Variants in COL11A2 observed in about 807,000 individuals in gnomAD.
COL11A2 encodes collagen type XI alpha 2 chain.
A neutral mutation model predicts 273.4 loss-of-function variants in COL11A2; 116 were observed. That is an observed-to-expected ratio of 0.42 (90% CI 0.36 to 0.49). The LOEUF (loss-of-function observed/expected upper bound fraction) is 0.49. Ranked by LOEUF, COL11A2 falls within the 20% of genes least tolerant of loss-of-function variation. The pLI is 0.00. For missense variants in COL11A2, 1,866 were observed against 2,309.0 expected, an observed-to-expected ratio of 0.81 and a Z score of 3.93; for synonymous variants, 782 against 864.2, an observed-to-expected ratio of 0.90 and a Z score of 1.67.
chr6:33,174,711 C>G, intron 30 of COL11A2, 131 bp from the exon 31 acceptor site: 4 of 827,240 alleles, frequency 4.8e-6, no homozygotes, highest in South Asian at 4.3e-5. Context: ...CAGCCTCTAG[C>G]CCCTCATTGC....
In COL11A2 at chr6:33,179,557, A is replaced by T; in HGVS notation, c.1447-70T>A. The T allele has an allele frequency of 1.4e-6, 2 of 1,476,140 alleles. No homozygotes were observed. Among genetic ancestry groups the T allele is most frequent in the Admixed American group, 2.0e-5 (1 of 50,860 alleles). 91.4% of individuals were successfully genotyped at this position (1,476,140 alleles called of 1,614,324 possible). A position where few individuals can be genotyped will look rare whatever the true frequency, so the allele number is the denominator to read the frequency against. ...AACCCCCAGCCCCAGCACTCTCCAA[A>T]TTCACCCTTCCTCTCCTGATCCTCA... On this transcript the variant is annotated intron_variant, in intron 13 of 65. Transcript: ENST00000341947. The surrounding 1 kb of genome is among the most constrained non-coding windows in gnomAD (Gnocchi z 6.4).
At position 33,192,260 on chromosome 6, in the gene COL11A2, C is replaced by A; in HGVS notation, c.-20G>T. On this transcript the variant is annotated 5_prime_UTR_variant, in exon 1 of 66. Transcript: ENST00000341947. The stretch of plus-strand genomic sequence containing the variant: ...CTCCATGGCTGAGAAGCCGAAACGC[C>A]GGGTCCCAGGGACCCAGGTCGGCCT... The A allele has an allele frequency of 5.8e-6, 9 of 1,551,380 alleles. No individual in the cohort carries two copies. The highest frequency in any genetic ancestry group is 1.4e-5 in the African/African-American group (1 of 73,394).
At chr6:33,172,691 C>T in intron 38 of COL11A2, 54 bp from the exon 39 acceptor site, 4 of 1,479,752 alleles carry the variant, frequency 2.7e-6, no homozygotes, top group Non-Finnish European at 2.8e-6. Context: ...TCGCTGTCTG[C>T]CAGAAGAGCC....
Position 33,185,760 on chromosome 6 carries a change from A to G in COL11A2, c.817T>C (p.Tyr273His). 1 of 1,345,190 alleles carries G rather than the reference A, an allele frequency of 7.4e-7. No homozygotes were observed. The highest frequency in any genetic ancestry group is 1.1e-5 in the South Asian group (1 of 87,332). 83.3% of individuals were successfully genotyped at this position (1,345,190 alleles called of 1,614,324 possible). Reference protein sequence around the residue: ...PQSQPTESLYYDYEPPYYDVM... With the variant: ...PQSQPTESLYHDYEPPYYDVM... Reference sequence around the variant, plus strand: ...TCATAATAGGGGGGCTCGTAGTCATAGTAGAGAGACTCAGTGGGCTGGGAT... The same window carrying G: ...TCATAATAGGGGGGCTCGTAGTCATGGTAGAGAGACTCAGTGGGCTGGGAT... Residue 273 changes from tyrosine (Y) to histidine (H), a missense_variant, in exon 6 of 66, where the codon TAT (tyrosine) becomes CAT (histidine). Coordinates refer to ENST00000341947, the MANE Select transcript of COL11A2 (RefSeq NM_080680.3).
At position 33,179,341 on chromosome 6, in the gene COL11A2, G is replaced by A; in HGVS notation, c.1504-57C>T. On this transcript the variant is annotated intron_variant, in intron 14 of 65. Coordinates refer to ENST00000341947, the MANE Select transcript of COL11A2 (RefSeq NM_080680.3). This position sits in a 1 kb window ranked among gnomAD's most constrained non-coding sequence, Gnocchi z 6.4. ...AAGGACACAGCCAACAGTGGCCTCG[G>A]AGTGTTCCCCAAAAGAAGCCCCTTT... The A allele has an allele frequency of 2.5e-6, 4 of 1,585,892 alleles. No homozygotes were observed. Among genetic ancestry groups the A allele is most frequent in the Non-Finnish European group, 3.4e-6 (4 of 1,166,694 alleles).
chr6:33,171,442 G>A, intron 43 of COL11A2, 25 bp downstream of exon 43: 3 of 1,611,148 alleles, frequency 1.9e-6, no homozygotes, highest in African/African-American at 2.7e-5. Flanking sequence ...AAGAAGATTG[G>A]TCGGGGTCTG....
rs767380282 is a variant in COL11A2, at chr6:33,169,037, G to A, written c.3799-29C>T. ...ATCCAGATGGAGAATAAGAGTCAGG[G>A]TCACAGCTCCCTAAGCCCACCCAGC... On this transcript the variant is annotated intron_variant, in intron 51 of 65. Coordinates refer to ENST00000341947, the MANE Select transcript of COL11A2 (RefSeq NM_080680.3). The surrounding 1 kb of genome is among the most constrained non-coding windows in gnomAD (Gnocchi z 5.5). The A allele has an allele frequency of 2.3e-5, 37 of 1,593,936 alleles. No homozygotes were observed. The highest frequency in any genetic ancestry group is 1.9e-5 in the Non-Finnish European group (22 of 1,169,894).
At position 33,170,751 on chromosome 6, in the gene COL11A2, G is replaced by GC; in HGVS notation, c.3474+58dup. On this transcript the variant is annotated intron_variant, in intron 46 of 65. Coordinates refer to ENST00000341947, the MANE Select transcript of COL11A2 (RefSeq NM_080680.3). The surrounding 1 kb of genome is among the most constrained non-coding windows in gnomAD (Gnocchi z 4.3). ...CGGCAGGCTGCTGGCAGAGTCTGGG[G>GC]CAAAACATCACCCCATCCTGACCCC... 6.3e-7 allele frequency: 1 copy of GC among 1,597,930 alleles called. No individual in the cohort carries two copies. Among genetic ancestry groups the GC allele is most frequent in the Middle Eastern group, 1.7e-4 (1 of 6,038 alleles).
At chr6:33,184,534 G>A (rs1343157936) in intron 7 of COL11A2, among the ~76,000 whole-genome samples, 2 of 152,242 alleles carry the variant, frequency 1.3e-5, no homozygotes, top group African/African-American at 4.8e-5. Flanking sequence ...TGTCCAGAAA[G>A]TGGGTCCAGT....
Position 33,163,322 on chromosome 6 carries a change from C to T in COL11A2, c.*356G>A. 3.4e-6 allele frequency: 1 copy of T among 297,828 alleles called. No homozygotes were observed. The allele number at this position is 297,828 out of a possible 1,614,324, so 18.4% of individuals were successfully genotyped here. On this transcript the variant is annotated 3_prime_UTR_variant, in exon 66 of 66. Transcript: ENST00000341947. The surrounding 1 kb of genome is among the most constrained non-coding windows in gnomAD (Gnocchi z 4.1). ...TTTCTCTTTTTTGTTATTTTGCTTT[C>T]CACACTTTAAATAATTAATACAATT...
rs1307895665 is a variant in COL11A2 at position 33,170,215 on chromosome 6, G to C, written c.3582+111C>G. The C allele has an allele frequency of 6.4e-7, 1 of 1,570,148 alleles. No individual in the cohort carries two copies. The highest frequency in any genetic ancestry group is 1.7e-5 in the Admixed American group (1 of 59,038). The stretch of plus-strand genomic sequence containing the variant: ...CAGTGAGGCAGTGGAGGCCTCCCGG[G>C]AGTAAGGGCTTCTCTTGGCCCCTGA... On this transcript the variant is annotated intron_variant, in intron 48 of 65. Transcript: ENST00000341947. This position sits in a 1 kb window ranked among gnomAD's most constrained non-coding sequence, Gnocchi z 4.3.
chr6:33,174,346 T>A, intron 31 of COL11A2, 128 bp from the exon 32 acceptor site: 1 of 1,421,020 alleles, frequency 7.0e-7, no homozygotes, highest in Non-Finnish European at 9.7e-7. Context: ...AAGAACTAAG[T>A]GGCCTTGGAC....
chr6:33,184,399 G>A (rs1156520627), intron 7 of COL11A2, 75 bp from the exon 8 acceptor site: 5 of 1,102,314 alleles, frequency 4.5e-6, no homozygotes, highest in Non-Finnish European at 6.2e-6. Context: ...GGACCCCAGG[G>A]TGTGACAACT....
intron 32 of COL11A2, 26 bp downstream of exon 32, chr6:33,174,139 T>C (rs774774118): frequency 6.3e-7 from 1 of 1,597,858 alleles, no homozygotes; most frequent in South Asian, 1.1e-5. Flanking sequence ...CCTTCCCTTC[T>C]CACGCCCTCC....
At chr6:33,172,920 A>C (rs879480069) in intron 38 of COL11A2, 140 bp downstream of exon 38, 1 of 956,110 alleles carries the variant, frequency 1.0e-6, no homozygotes, top group Non-Finnish European at 1.7e-6. Flanking sequence ...CCCCTGCCTG[A>C]AATCCCAGCC....
rs1391331389 is a variant in COL11A2 at position 33,179,511 on chromosome 6, A to G, written c.1447-24T>C. 3 of 1,551,264 alleles carry G rather than the reference A, an allele frequency of 1.9e-6. No individual in the cohort carries two copies. Among genetic ancestry groups the G allele is most frequent in the Non-Finnish European group, 1.7e-6 (2 of 1,145,576 alleles). ...AGCTAGGGGAGCAGGGGGACAGCAG[A>G]GCTGAGGGACAGGCAGTGGGAACCC... On this transcript the variant is annotated intron_variant, in intron 13 of 65. Coordinates refer to ENST00000341947, the MANE Select transcript of COL11A2 (RefSeq NM_080680.3). This position sits in a 1 kb window ranked among gnomAD's most constrained non-coding sequence, Gnocchi z 6.4.
chr6:33,179,550 T>C lies in COL11A2; in HGVS notation c.1447-63A>G. 6.8e-7 allele frequency: 1 copy of C among 1,481,102 alleles called. No homozygotes were observed. The highest frequency in any genetic ancestry group is 9.2e-7 in the Non-Finnish European group (1 of 1,083,764). The allele number at this position is 1,481,102 out of a possible 1,614,324, so 91.7% of individuals were successfully genotyped here. A position where few individuals can be genotyped will look rare whatever the true frequency, so the allele number is the denominator to read the frequency against. The stretch of plus-strand genomic sequence containing the variant: ...CAGTGGGAACCCCCAGCCCCAGCAC[T>C]CTCCAAATTCACCCTTCCTCTCCTG... On this transcript the variant is annotated intron_variant, in intron 13 of 65. Coordinates refer to ENST00000341947, the MANE Select transcript of COL11A2 (RefSeq NM_080680.3). The surrounding 1 kb of genome is among the most constrained non-coding windows in gnomAD (Gnocchi z 6.4).
In COL11A2 at chr6:33,164,461, C is replaced by G; in HGVS notation, c.4876G>C (p.Asp1626His). The part of the protein sequence containing the change: ...RDDVTQFSYV[D>H]SEGSPVGVVQ... ...ACACCCACTGGGGAGCCCTCTGAGTCCACGTAAGAGAACTGGAAGGAGAGA... is the reference window on the plus strand; with the variant it reads ...ACACCCACTGGGGAGCCCTCTGAGTGCACGTAAGAGAACTGGAAGGAGAGA... Residue 1626 changes from aspartate (D) to histidine (H), a missense_variant, in exon 65 of 66, where the codon GAC (aspartate) becomes CAC (histidine). Coordinates refer to ENST00000341947, the MANE Select transcript of COL11A2 (RefSeq NM_080680.3). This position sits in a 1 kb window ranked among gnomAD's most constrained non-coding sequence, Gnocchi z 4.7. 1 of 1,556,564 alleles carries G rather than the reference C, an allele frequency of 6.4e-7. No individual in the cohort carries two copies. The highest frequency in any genetic ancestry group is 1.2e-5 in the South Asian group (1 of 84,818).
chr6:33,177,018 C>T lies in COL11A2; in HGVS notation c.2044G>A (p.Gly682Ser), dbSNP rs781407891. 9.9e-6 allele frequency: 16 copies of T among 1,611,834 alleles called. No homozygotes were observed. The highest frequency in any genetic ancestry group is 3.3e-5 in the Admixed American group (2 of 59,816). The change falls in exon 25 of 66, where the codon GGC becomes AGC. Residue 682 changes from glycine to serine, a missense_variant. Gly to Ser is a moderately conservative substitution (Grantham distance 56). Transcript: ENST00000341947. The surrounding 1 kb of genome is among the most constrained non-coding windows in gnomAD (Gnocchi z 5.9). Reference sequence around the variant, plus strand: ...GGGGGTCCGTCTGAGCCAGGCATGCCGGGGAGCCCTGGCTTCCCTTGAGGA... The same window carrying T: ...GGGGGTCCGTCTGAGCCAGGCATGCTGGGGAGCCCTGGCTTCCCTTGAGGA... ...KGPQGKPGLP[G>S]MPGSDGPPGH...
Sources: gnomAD v4.1 joint callset for allele counts (sites outside exome capture counted in the v4.1 genomes callset) on GRCh38, gnomAD v4.1.1 for gene constraint, Gnocchi (gnomAD v3.1) non-coding constraint, MANE v1.5 for transcripts, NCBI Gene and HGNC (gene_info 2026-07-23, HGNC 2026-07-21) for gene names.